Variants in ADGRG7 observed in about 807,000 individuals in gnomAD.
ADGRG7 encodes the protein G-protein coupled receptor 128.
Under a neutral mutation model 88.6 loss-of-function variants are expected in ADGRG7, and 82 were observed. That is an observed-to-expected ratio of 0.93 (90% CI 0.77 to 1.11). The LOEUF (loss-of-function observed/expected upper bound fraction) is 1.11. Ranked by LOEUF, ADGRG7 falls within the 50% of genes most tolerant of loss-of-function variation. The probability of loss-of-function intolerance (pLI) is 0.00; values close to 1 mark genes in which losing one functional copy is unlikely to be tolerated. For missense variants in ADGRG7, 945 were observed against 953.4 expected (o/e 0.99, Z 0.12); for synonymous variants, 381 against 345.2 (o/e 1.10, Z -1.15).
At chr3:100,681,285 T>G (rs2094972988) in intron 15 of ADGRG7, among the ~76,000 whole-genome samples, 1 of 151,716 alleles carries the variant, frequency 6.6e-6, no homozygotes, top group South Asian at 2.1e-4. Context: ...GATGTGTTAT[T>G]GAAAGACATC....
intron 15 of ADGRG7, among the ~76,000 whole-genome samples, chr3:100,676,401 T>A (rs914570016): frequency 2.6e-5 from 4 of 152,144 alleles, no homozygotes. Context: ...TATGTGTTTG[T>A]ATAGTTTCCA....
At chr3:100,646,523 TTAAG>T in intron 9 of ADGRG7, 42 bp from the exon 10 acceptor site, 1 of 1,509,674 alleles carries the variant, frequency 6.6e-7, no homozygotes, top group Non-Finnish European at 9.1e-7. Flanking sequence ...TTTAACCCAA[TTAAG>T]TATTTAGAAA....
chr3:100,621,026 A>G (rs556312283), intron 1 of ADGRG7, among the ~76,000 whole-genome samples: 1 of 152,170 alleles, frequency 6.6e-6, no homozygotes, highest in Admixed American at 6.6e-5. Context: ...CTTTGATGTT[A>G]CTATTGCAAT....
At chr3:100,617,534 A>G (rs1367064174) in intron 1 of ADGRG7, among the ~76,000 whole-genome samples, 1 of 152,058 alleles carries the variant, frequency 6.6e-6, no homozygotes, top group Non-Finnish European at 1.5e-5. Context: ...CCATGTCCCT[A>G]CAAAGGACAT....
At chr3:100,661,191 T>A (rs2094944871) in intron 14 of ADGRG7, among the ~76,000 whole-genome samples, 1 of 152,156 alleles carries the variant, frequency 6.6e-6, no homozygotes, top group African/African-American at 2.4e-5. Flanking sequence ...ACATATACTC[T>A]ACCCTCCCTG....
chr3:100,630,623 A>G, intron 2 of ADGRG7, 82 bp from the exon 3 acceptor site: 2 of 549,274 alleles, frequency 3.6e-6, no homozygotes, highest in East Asian at 7.1e-5. Context: ...TTCACTGCAT[A>G]GGTTCTGACC....
intron 15 of ADGRG7, among the ~76,000 whole-genome samples, chr3:100,672,625 G>A (rs1267774555): frequency 6.6e-6 from 1 of 152,096 alleles, no homozygotes; most frequent in African/African-American, 2.4e-5. Context: ...GGGCATCCTT[G>A]TCTTGTGCCA....
chr3:100,684,391 G>T (rs984966140), intron 15 of ADGRG7, among the ~76,000 whole-genome samples: 2 of 151,836 alleles, frequency 1.3e-5, no homozygotes, highest in Non-Finnish European at 2.9e-5. Context: ...AACCTCCCAA[G>T]TAACTGGGAC....
At chr3:100,667,126 C>T (rs193048435) in intron 14 of ADGRG7, among the ~76,000 whole-genome samples, 89 of 152,246 alleles carry the variant, frequency 5.8e-4, no homozygotes, top group Admixed American at 5.8e-3. Flanking sequence ...CAATTCTCTG[C>T]CACAGCCTCC....
At chr3:100,687,883 T>C (rs1032872439) in intron 15 of ADGRG7, among the ~76,000 whole-genome samples, 1 of 152,222 alleles carries the variant, frequency 6.6e-6, no homozygotes, top group Admixed American at 6.5e-5. Context: ...AGGATGATGC[T>C]GGTCTCATAA....
intron 13 of ADGRG7, 55 bp downstream of exon 13, chr3:100,656,050 C>A: frequency 9.5e-7 from 1 of 1,049,316 alleles, no homozygotes; most frequent in Non-Finnish European, 1.5e-6. Context: ...TGTAACTGTT[C>A]AGTGATATTG....
rs184774939 is a variant in ADGRG7, at chr3:100,695,321, T to C, written c.*320T>C. On this transcript the variant is annotated 3_prime_UTR_variant, in exon 16 of 16. Transcript: ENST00000273352. ...TATAACAAATTCTTTTACAAGTTAC[T>C]ATAAAGGACACAAAGAGAAAACTTT... is the stretch of plus-strand genomic sequence containing the variant. The C allele has an allele frequency of 5.5e-5, 13 of 235,758 alleles. No individual in the cohort carries two copies. In the East Asian group the frequency reaches 1.4e-3, roughly 25 times the overall value. The allele number at this position is 235,758 out of a possible 1,614,324, so 14.6% of individuals were successfully genotyped here.
chr3:100,640,833 T>C (rs1243376449), intron 6 of ADGRG7, among the ~76,000 whole-genome samples: 2 of 152,160 alleles, frequency 1.3e-5, no homozygotes, highest in Non-Finnish European at 2.9e-5. Context: ...ACCTCACCAT[T>C]GTAGACATTG....
chr3:100,637,925 G>A lies in ADGRG7; in HGVS notation c.698+523G>A, dbSNP rs563413202. Among the ~76,000 whole-genome samples the A allele has an allele frequency of 9.6e-4, 147 of 152,342 alleles. 1 individual carries two copies. The highest frequency in any genetic ancestry group is 8.9e-3 in the South Asian group (43 of 4,830). On this transcript the variant is annotated intron_variant, in intron 6 of 15. Coordinates refer to ENST00000273352, the MANE Select transcript of ADGRG7 (RefSeq NM_032787.3). ...CAGCCCACCCCACTCAACCCCTTGC[G>A]GGAGGGAATGTGTAGATGAGCAAGT...
chr3:100,690,817 G>T (rs1576342608), intron 15 of ADGRG7, among the ~76,000 whole-genome samples: 1 of 152,208 alleles, frequency 6.6e-6, no homozygotes, highest in African/African-American at 2.4e-5. Flanking sequence ...CGGGGGTCAG[G>T]GACCCACTTG....
intron 11 of ADGRG7, chr3:100,654,053 G>A (rs1201116303): frequency 6.6e-6 from 1 of 152,166 alleles, no homozygotes; most frequent in African/African-American, 2.4e-5. Flanking sequence ...GCTTCCCTCC[G>A]TGCAGATTGA....
At chr3:100,690,931 G>GCTGC (rs2094992453) in intron 15 of ADGRG7, among the ~76,000 whole-genome samples, 1 of 152,222 alleles carries the variant, frequency 6.6e-6, no homozygotes, top group Admixed American at 6.5e-5. Flanking sequence ...AGAGGTTACT[G>GCTGC]CTGCCTTTTG....
chr3:100,615,370 G>A (rs1467291230), intron 1 of ADGRG7, among the ~76,000 whole-genome samples: 1 of 152,184 alleles, frequency 6.6e-6, no homozygotes, highest in Non-Finnish European at 1.5e-5. Context: ...TATTTTGTGG[G>A]TAATTTAGGT....
In ADGRG7 at chr3:100,655,092, T is replaced by C; in HGVS notation, c.1637T>C (p.Leu546Pro). Residue 546 changes from leucine (L) to proline (P), a missense_variant, in exon 12 of 16, where the codon CTC (leucine) becomes CCC (proline). Leu to Pro is a moderately conservative substitution (Grantham distance 98). Transcript: ENST00000273352. Reference sequence around the variant, plus strand: ...TTAGTGACATTTACCTGGAACGCACTCAGCGCTGCACAGCTCTATTACCTT... The same window carrying C: ...TTAGTGACATTTACCTGGAACGCACCCAGCGCTGCACAGCTCTATTACCTT... ...FLLVTFTWNA[L>P]SAAQLYYLLI... The C allele has an allele frequency of 1.2e-6, 2 of 1,614,230 alleles. No homozygotes were observed. Among genetic ancestry groups the C allele is most frequent in the Non-Finnish European group, 8.5e-7 (1 of 1,180,032 alleles).
Sources: allele counts gnomAD v4.1 joint callset (sites outside exome capture counted in the v4.1 genomes callset), GRCh38; gene constraint gnomAD v4.1.1; transcripts MANE v1.5; gene names NCBI Gene and HGNC (gene_info 2026-07-23, HGNC 2026-07-21).